The following AGAP1 variants were observed in gnomAD, a reference collection of about 807,000 sequenced individuals.
AGAP1 encodes the protein ArfGAP with GTPase domain, ankyrin repeat and PH domain 1.
In AGAP1, 29 loss-of-function variants were observed where a neutral mutation model predicts 105.3. The ratio of observed to expected loss-of-function variants is 0.28; its 90% confidence interval spans 0.21 to 0.38. The LOEUF (loss-of-function observed/expected upper bound fraction) is 0.38, where lower values mean the gene tolerates loss of function less well. AGAP1 is among the 10% of genes least tolerant of loss of function. The pLI is 1.00. For synonymous variants in AGAP1, 509 were observed against 485.9 expected (o/e 1.05, Z -0.63); for missense variants, 998 against 1,165.1 (o/e 0.86, Z 2.09).
intron 12 of AGAP1, among the ~76,000 whole-genome samples, chr2:235,938,982 A>G (rs1357423063): frequency 6.6e-6 from 1 of 152,172 alleles, no homozygotes; most frequent in Non-Finnish European, 1.5e-5. Flanking sequence ...AATGTCCCCC[A>G]GGGGTTTCAG....
At position 236,109,496 on chromosome 2, in the gene AGAP1, A is replaced by G. The variant is rs1327972492; in HGVS notation, c.2115-10696A>G. 6.6e-6 allele frequency among the ~76,000 whole-genome samples: 1 copy of G among 152,206 alleles called. No individual in the cohort carries two copies. The highest frequency in any genetic ancestry group is 6.5e-5 in the Admixed American group (1 of 15,280). On this transcript the variant is annotated intron_variant, in intron 16 of 17. Coordinates refer to ENST00000304032, the MANE Select transcript of AGAP1 (RefSeq NM_001037131.3). This position sits in a 1 kb window ranked among gnomAD's most constrained non-coding sequence, Gnocchi z 5.4. The stretch of plus-strand genomic sequence containing the variant: ...GGAAGGAAAAACTGAGATGATCTAG[A>G]TCCGTGCATCCTCTGTAATGGCAGA...
chr2:236,102,665 G>A (rs1317230503), intron 16 of AGAP1, among the ~76,000 whole-genome samples: 1 of 151,964 alleles, frequency 6.6e-6, no homozygotes, highest in East Asian at 1.9e-4. Flanking sequence ...AATGCCGAGT[G>A]GGTAAAACAC....
At position 235,543,478 on chromosome 2, in the gene AGAP1, G is replaced by A. The variant is rs181946146; in HGVS notation, c.163+48629G>A. Among the ~76,000 whole-genome samples the A allele has an allele frequency of 5.4e-3, 829 of 152,314 alleles. 7 individuals carry two copies. The highest frequency in any genetic ancestry group is 0.051 in the Middle Eastern group (15 of 294). ...ACCAGGGGACGAAGGACATGGCAGA[G>A]CATCCAGAGAAGAAGCTGGGGCTCG... On this transcript the variant is annotated intron_variant, in intron 1 of 17. Coordinates refer to ENST00000304032, the MANE Select transcript of AGAP1 (RefSeq NM_001037131.3).
At chr2:235,933,441 C>G (rs200024957) in intron 12 of AGAP1, among the ~76,000 whole-genome samples, 2 of 152,052 alleles carry the variant, frequency 1.3e-5, no homozygotes, top group East Asian at 3.9e-4. Flanking sequence ...TGACATTTTA[C>G]AGAGCAAAGA....
chr2:235,669,995 G>A (rs1948289589), intron 1 of AGAP1: 5 of 286,584 alleles, frequency 1.7e-5, no homozygotes, highest in Non-Finnish European at 2.6e-5. Context: ...CGGTCAGCGG[G>A]GGGCGTGGGC....
rs1943850000 is a variant in AGAP1, at chr2:235,552,640, G to C, written c.163+57791G>C. On this transcript the variant is annotated intron_variant, in intron 1 of 17. Transcript: ENST00000304032. This position sits in a 1 kb window ranked among gnomAD's most constrained non-coding sequence, Gnocchi z 5.9. ...GTATGGGCAGGTGCACACACACCTG[G>C]CAGAGGTTTGGAGCTGGGTTGTGGG... 6.6e-6 allele frequency among the ~76,000 whole-genome samples: 1 copy of C among 152,208 alleles called. No individual in the cohort carries two copies. The highest frequency in any genetic ancestry group is 6.5e-5 in the Admixed American group (1 of 15,280).
rs540343380 is a variant in AGAP1 at position 236,076,681 on chromosome 2, A to G, written c.2114+27400A>G. ...AAAATTACAGAGGCTTCTTTGTGGC[A>G]CTTAATAATTTCCCAAACCACTAAA... On this transcript the variant is annotated intron_variant, in intron 16 of 17. Coordinates refer to ENST00000304032, the MANE Select transcript of AGAP1 (RefSeq NM_001037131.3). This position sits in a 1 kb window ranked among gnomAD's most constrained non-coding sequence, Gnocchi z 4.4. 6.6e-6 allele frequency among the ~76,000 whole-genome samples: 1 copy of G among 152,242 alleles called. No homozygotes were observed. Among genetic ancestry groups the G allele is most frequent in the South Asian group, 2.1e-4 (1 of 4,824 alleles).
Position 235,741,363 on chromosome 2 carries a change from C to T in AGAP1, c.396+315C>T, listed in dbSNP as rs548700656. On this transcript the variant is annotated intron_variant, in intron 4 of 17. Transcript: ENST00000304032. The surrounding 1 kb of genome is among the most constrained non-coding windows in gnomAD (Gnocchi z 4.9). ...TGAAATGACATCTGGAAATTTCTGTCGTTTGGTTTGTTTTTTGGCCTTTTC... is the reference window on the plus strand; with the variant it reads ...TGAAATGACATCTGGAAATTTCTGTTGTTTGGTTTGTTTTTTGGCCTTTTC... Among the ~76,000 whole-genome samples, 6 of 152,240 alleles carry T rather than the reference C, an allele frequency of 3.9e-5. No homozygotes were observed. The highest frequency in any genetic ancestry group is 1.4e-4 in the African/African-American group (6 of 41,548).
chr2:235,781,754 T>A (rs949558591), intron 6 of AGAP1, among the ~76,000 whole-genome samples: 6 of 152,056 alleles, frequency 3.9e-5, no homozygotes, highest in Non-Finnish European at 7.4e-5. Flanking sequence ...TTTTGAAAAA[T>A]ACCCAAATAG....
intron 9 of AGAP1, among the ~76,000 whole-genome samples, chr2:235,836,982 G>A (rs538853853): frequency 7.2e-5 from 11 of 152,194 alleles, no homozygotes; most frequent in South Asian, 2.1e-4. Flanking sequence ...TGTTGGGTTG[G>A]GGGGGTTGTG....
At chr2:235,708,471 G>A (rs189432896) in intron 1 of AGAP1, among the ~76,000 whole-genome samples, 2 of 152,230 alleles carry the variant, frequency 1.3e-5, no homozygotes, top group Admixed American at 6.5e-5. Flanking sequence ...CAGGGGAGGC[G>A]GGGGAGAGTG....
chr2:235,680,015 T>C (rs894634238), intron 1 of AGAP1, among the ~76,000 whole-genome samples: 14 of 152,342 alleles, frequency 9.2e-5, no homozygotes, highest in African/African-American at 2.9e-4. Context: ...ACTACTACTT[T>C]GGATAAAAAG....
chr2:235,990,664 CAG>C (rs971922460), intron 13 of AGAP1, among the ~76,000 whole-genome samples: 2 of 152,154 alleles, frequency 1.3e-5, no homozygotes, highest in Admixed American at 6.5e-5. Context: ...TCAGAGGACA[CAG>C]AGTGTCAATT....
In AGAP1 at chr2:235,822,615, A is replaced by G. The variant is rs1390071045; in HGVS notation, c.1050+15284A>G. ...CTGGAGAAGCTTGGGAATGGGGAGAAGCTGAAGAAGCTCAGTGGTGAAGAG... is the reference window on the plus strand; with the variant it reads ...CTGGAGAAGCTTGGGAATGGGGAGAGGCTGAAGAAGCTCAGTGGTGAAGAG... On this transcript the variant is annotated intron_variant, in intron 9 of 17. Transcript: ENST00000304032. 5.3e-5 allele frequency among the ~76,000 whole-genome samples: 8 copies of G among 152,232 alleles called. No individual in the cohort carries two copies. In the East Asian group the frequency reaches 1.5e-3, roughly 29 times the overall value.
intron 1 of AGAP1, among the ~76,000 whole-genome samples, chr2:235,496,296 C>T (rs1941316898): frequency 6.6e-6 from 1 of 152,126 alleles, no homozygotes; most frequent in African/African-American, 2.4e-5. Context: ...TATCTGTCTC[C>T]CATGAGGTCA....
intron 1 of AGAP1, among the ~76,000 whole-genome samples, chr2:235,647,092 C>CAT (rs1559312156): frequency 1.3e-5 from 2 of 149,276 alleles, no homozygotes; most frequent in South Asian, 2.1e-4. Flanking sequence ...ACCGAGATTG[C>CAT]GCCACTGCAC....
intron 1 of AGAP1, among the ~76,000 whole-genome samples, chr2:235,605,245 T>C (rs1301282068): frequency 6.6e-6 from 1 of 152,224 alleles, no homozygotes; most frequent in Admixed American, 6.5e-5. Flanking sequence ...AAATAATAAT[T>C]GAGTGCTTTT....
chr2:235,671,439 G>A (rs1429110978), intron 1 of AGAP1, among the ~76,000 whole-genome samples: 1 of 152,174 alleles, frequency 6.6e-6, no homozygotes. Context: ...GCCGGTCGCC[G>A]CCGCACAGGT....
rs1423363500 is a variant in AGAP1 at position 235,862,637 on chromosome 2, A to G, written c.1051-20708A>G. On this transcript the variant is annotated intron_variant, in intron 9 of 17. Coordinates refer to ENST00000304032, the MANE Select transcript of AGAP1 (RefSeq NM_001037131.3). ...TTAAGTCTTTAAGACTAAAATTGAC[A>G]CATGGCTGTTTGTCTGCATAAACCT... Among the ~76,000 whole-genome samples, 7 of 152,392 alleles carry G rather than the reference A, an allele frequency of 4.6e-5. No homozygotes were observed. In the East Asian group the frequency reaches 1.3e-3, roughly 29 times the overall value.
Sources: allele counts gnomAD v4.1 joint callset (sites outside exome capture counted in the v4.1 genomes callset), GRCh38; gene constraint gnomAD v4.1.1; non-coding constraint Gnocchi (gnomAD v3.1); transcripts MANE v1.5; gene names NCBI Gene and HGNC (gene_info 2026-07-23, HGNC 2026-07-21).